The following SNAPC5 variants were observed in gnomAD, a reference collection of about 807,000 sequenced individuals.
SNAPC5 encodes the protein small nuclear RNA activating complex polypeptide 5.
In SNAPC5, 12 loss-of-function variants were observed where a neutral mutation model predicts 9.1. The observed-to-expected ratio is 1.32, with a 90% CI of 0.85 to 2.15. The LOEUF (loss-of-function observed/expected upper bound fraction) is 2.15, where lower values mean the gene tolerates loss of function less well. SNAPC5 is among the 30% of genes most tolerant of loss of function. The pLI, the probability that SNAPC5 is intolerant of heterozygous loss-of-function variation, is 0.00. For missense variants in SNAPC5, 132 were observed against 114.4 expected (o/e 1.15, Z -0.70); for synonymous variants, 52 against 47.3 (o/e 1.10, Z -0.41).
Position 66,497,710 on chromosome 15 carries a change from G to T in SNAPC5, c.22C>A (p.Leu8Met), listed in dbSNP as rs373712138. The T allele has an allele frequency of 7.4e-6, 12 of 1,613,350 alleles. No homozygotes were observed. Among genetic ancestry groups the T allele is most frequent in the Non-Finnish European group, 1.0e-5 (12 of 1,179,936 alleles). The change falls in exon 1 of 3, where the codon CTG becomes ATG. Residue 8 changes from leucine to methionine, a missense_variant. Leu to Met is a conservative substitution (Grantham distance 15). Coordinates refer to ENST00000316634, the MANE Select transcript of SNAPC5 (RefSeq NM_001329615.2). ...AGCAGCGTCTCCTCCTCCTTGCGCAGTTCCTGAAGCCGGCTCAGCATGTTG... is the reference window on the plus strand; with the variant it reads ...AGCAGCGTCTCCTCCTCCTTGCGCATTTCCTGAAGCCGGCTCAGCATGTTG... MLSRLQE[L>M]RKEEETLLRL...
intron 1 of SNAPC5, 50 bp downstream of exon 1, chr15:66,497,592 T>C (rs1197157530): frequency 6.5e-7 from 1 of 1,537,682 alleles, no homozygotes; most frequent in South Asian, 1.1e-5. Flanking sequence ...TGGGGGGAAA[T>C]GGTCGCTCGG....
chr15:66,497,387 G>A (rs1019837757), intron 1 of SNAPC5: 2 of 593,612 alleles, frequency 3.4e-6, no homozygotes, highest in Non-Finnish European at 6.0e-6. Flanking sequence ...GACTGCACTT[G>A]CCAAACACAG....
At chr15:66,491,171 A>G (rs1893244950), downstream of SNAPC5, 1 of 274,864 alleles carries the variant, frequency 3.6e-6, no homozygotes, top group Non-Finnish European at 7.0e-6. Context: ...TGACATCCAA[A>G]TCTAGCCAGA....
At position 66,497,650 on chromosome 15, in the gene SNAPC5, G is replaced by C; in HGVS notation, c.82C>G (p.Arg28Gly). ...LKAALHDQLNRLKVEELALQS... is the reference protein window; with the variant it reads ...LKAALHDQLNGLKVEELALQS... Reference sequence around the variant, plus strand: ...GAGGGCCGCGGGGTCACCTTGAGGCGGTTCAGCTGGTCGTGCAGGGCTGCC... The same window carrying C: ...GAGGGCCGCGGGGTCACCTTGAGGCCGTTCAGCTGGTCGTGCAGGGCTGCC... Residue 28 changes from arginine to glycine, a missense_variant, in exon 1 of 3, where the codon CGC becomes GGC. Arg to Gly is a moderately radical substitution (Grantham distance 125). Transcript: ENST00000316634. 5 of 1,614,012 alleles carry C rather than the reference G, an allele frequency of 3.1e-6. No homozygotes were observed. Among genetic ancestry groups the C allele is most frequent in the Non-Finnish European group, 4.2e-6 (5 of 1,179,912 alleles).
chr15:66,491,691 T>C (rs1019758106), downstream of SNAPC5: 1 of 303,072 alleles, frequency 3.3e-6, no homozygotes, highest in Non-Finnish European at 6.4e-6. Context: ...TTTGGACTAA[T>C]GGGGCTTCCT....
At chr15:66,492,003 T>C (rs1227006574), downstream of SNAPC5, 19 of 456,730 alleles carry the variant, frequency 4.2e-5, no homozygotes, top group Non-Finnish European at 7.9e-5. Flanking sequence ...CTTGCCTACC[T>C]GGTGTGGGAG....
rs553691271 is a variant in SNAPC5, at chr15:66,497,732, G to A, written c.-1C>T. 3 of 1,611,402 alleles carry A rather than the reference G, an allele frequency of 1.9e-6. No homozygotes were observed. The South Asian group carries it at 3.3e-5, about 18-fold the overall frequency. On this transcript the variant is annotated 5_prime_UTR_variant, in exon 1 of 3. Coordinates refer to ENST00000316634, the MANE Select transcript of SNAPC5 (RefSeq NM_001329615.2). ...GCAGTTCCTGAAGCCGGCTCAGCAT[G>A]TTGCCTGGTCACATAGCCAACCTCC...
downstream of SNAPC5, chr15:66,490,781 C>T: frequency 2.9e-6 from 2 of 700,686 alleles, no homozygotes; most frequent in Non-Finnish European, 2.6e-6. Flanking sequence ...TTTAATATTA[C>T]TGTCTTTATT....
At chr15:66,497,000 T>C (rs1307571429) in intron 1 of SNAPC5, 2 of 154,952 alleles carry the variant, frequency 1.3e-5, no homozygotes, top group African/African-American at 4.8e-5. Flanking sequence ...CAATTTTTTG[T>C]AGAGACGAGG....
rs1893349786 is a variant in SNAPC5 at position 66,494,238 on chromosome 15, G to A, written c.*198C>T. 4.9e-6 allele frequency: 3 copies of A among 611,320 alleles called. No individual in the cohort carries two copies. The highest frequency in any genetic ancestry group is 1.8e-5 in the African/African-American group (1 of 54,654). 37.9% of individuals were successfully genotyped at this position (611,320 alleles called of 1,614,324 possible). On this transcript the variant is annotated 3_prime_UTR_variant, in exon 3 of 3. Coordinates refer to ENST00000316634, the MANE Select transcript of SNAPC5 (RefSeq NM_001329615.2). ...CTCAATGCTAAGACACAGCATCTTT[G>A]ATTTTCTGTATGTCATAACATTCTG... is the stretch of plus-strand genomic sequence containing the variant.
chr15:66,490,792 C>T (rs1411228028), downstream of SNAPC5: 4 of 689,786 alleles, frequency 5.8e-6, no homozygotes, highest in Admixed American at 8.1e-5. Flanking sequence ...TGTCTTTATT[C>T]TTATTACTAT....
intron 2 of SNAPC5, chr15:66,494,879 T>G (rs1362427228): frequency 6.2e-6 from 2 of 320,526 alleles, no homozygotes; most frequent in Admixed American, 9.1e-5. Context: ...TCAAATATTG[T>G]GTACTTAGAT....
chr15:66,495,745 G>A (rs1200162380), intron 1 of SNAPC5, among the ~76,000 whole-genome samples: 1 of 148,292 alleles, frequency 6.7e-6, no homozygotes. Flanking sequence ...CAGAGAGAGA[G>A]ATTCCCTGGA....
Position 66,495,322 on chromosome 15 carries a change from A to T in SNAPC5, c.180+8T>A. On this transcript the variant is annotated splice_region_variant and intron_variant, in intron 2 of 2. Coordinates refer to ENST00000316634, the MANE Select transcript of SNAPC5 (RefSeq NM_001329615.2). Reference sequence around the variant, plus strand: ...TTCTCTCCTAGGCCTGCACTTGATTAAGCTTACATCATGTGACTGTTCAGG... The same window carrying T: ...TTCTCTCCTAGGCCTGCACTTGATTTAGCTTACATCATGTGACTGTTCAGG... The T allele has an allele frequency of 6.6e-7, 1 of 1,523,692 alleles. No individual in the cohort carries two copies. The highest frequency in any genetic ancestry group is 9.1e-7 in the Non-Finnish European group (1 of 1,097,304). 94.4% of individuals were successfully genotyped at this position (1,523,692 alleles called of 1,614,324 possible).
chr15:66,497,403 T>C (rs1278616744), intron 1 of SNAPC5: 6 of 600,324 alleles, frequency 1.0e-5, no homozygotes, highest in Non-Finnish European at 1.8e-5. Context: ...CACAGATCCC[T>C]GAGCCTCACC....
chr15:66,494,631 A>C, intron 2 of SNAPC5, 79 bp from the exon 3 acceptor site: 1 of 995,446 alleles, frequency 1.0e-6, no homozygotes, highest in Non-Finnish European at 1.6e-6. Flanking sequence ...ATGACTTAAA[A>C]TCAGATCTCA....
At chr15:66,489,842 C>G, downstream of SNAPC5, 1 of 1,225,316 alleles carries the variant, frequency 8.2e-7, no homozygotes, top group Non-Finnish European at 1.2e-6. Context: ...TGCAGTACTT[C>G]CAGAGCCCAT....
chr15:66,495,485 G>A (rs1893396697), intron 1 of SNAPC5, 66 bp from the exon 2 acceptor site: 8 of 860,282 alleles, frequency 9.3e-6, no homozygotes, highest in Non-Finnish European at 1.6e-5. Context: ...TGGGTAAACT[G>A]CTGGGCACAC....
intron 2 of SNAPC5, 43 bp from the exon 3 acceptor site, chr15:66,494,595 G>A: frequency 7.0e-7 from 1 of 1,424,230 alleles, no homozygotes; most frequent in Middle Eastern, 1.8e-4. Flanking sequence ...GAAAGATGCT[G>A]GCCTCAAAAC....
Sources: allele counts gnomAD v4.1 joint callset (sites outside exome capture counted in the v4.1 genomes callset), GRCh38; gene constraint gnomAD v4.1.1; transcripts MANE v1.5; gene names NCBI Gene and HGNC (gene_info 2026-07-23, HGNC 2026-07-21).